The following VPS53 variants were observed in gnomAD, a reference collection of about 807,000 sequenced individuals.
The protein encoded by VPS53 is VPS53 subunit of GARP complex.
In VPS53, 70 loss-of-function variants were observed where a neutral mutation model predicts 107.0. That is an observed-to-expected ratio of 0.65 (90% confidence interval 0.54 to 0.80). VPS53 has a LOEUF of 0.80. Ranked by LOEUF, VPS53 falls within the 30% of genes least tolerant of loss-of-function variation. The probability of loss-of-function intolerance (pLI) is 0.00; values close to 1 mark genes in which losing one functional copy is unlikely to be tolerated. For synonymous variants in VPS53, 409 were observed against 393.3 expected (o/e 1.04, Z -0.47); for missense variants, 917 against 1,049.4 (o/e 0.87, Z 1.74).
At chr17:686,008 A>G (rs1475382978) in intron 4 of VPS53, among the ~76,000 whole-genome samples, 3 of 130,212 alleles carry the variant, frequency 2.3e-5, no homozygotes, top group African/African-American at 9.2e-5. Flanking sequence ...CCCTGTCTCT[A>G]AAAAAAAAAA....
In VPS53 at chr17:714,657, T is replaced by A. The variant is rs754937352; in HGVS notation, c.53A>T (p.Gln18Leu). Reference protein sequence around the residue: ...EFVEELEAVLQLTPEVQLAIE... With the variant: ...EFVEELEAVLLLTPEVQLAIE... ...GGCCAGCTGCACCTCGGGCGTGAGC[T>A]GCAGCACGGCTTCCAGCTCCTCCAC... The change falls in exon 1 of 22, where the codon CAG (glutamine) becomes CTG (leucine). Residue 18 changes from glutamine (Q) to leucine (L), a missense_variant. Coordinates refer to ENST00000437048, the MANE Select transcript of VPS53 (RefSeq NM_001128159.3). 1.4e-5 allele frequency: 23 copies of A among 1,613,118 alleles called. No homozygotes were observed. Among genetic ancestry groups the A allele is most frequent in the Non-Finnish European group, 1.9e-5 (22 of 1,179,538 alleles).
At chr17:631,687 C>G (rs377329904) in intron 7 of VPS53, 59 bp from the exon 8 acceptor site, 1 of 1,524,258 alleles carries the variant, frequency 6.6e-7, no homozygotes, top group African/African-American at 1.4e-5. Context: ...AACTACACAC[C>G]GATCCACAGG....
chr17:614,911 A>C (rs1969066708), intron 11 of VPS53, among the ~76,000 whole-genome samples: 2 of 152,250 alleles, frequency 1.3e-5, no homozygotes, highest in African/African-American at 4.8e-5. Flanking sequence ...CCAGCTGCAT[A>C]AAAGGGGAAC....
intron 14 of VPS53, among the ~76,000 whole-genome samples, chr17:561,618 ATAAT>A (rs1188824273): frequency 1.3e-5 from 2 of 152,160 alleles, no homozygotes; most frequent in African/African-American, 2.4e-5. Context: ...GGGATTATAC[ATAAT>A]TTATTTATTT....
At chr17:538,450 C>T (rs1910291700) in intron 17 of VPS53, 1 of 152,210 alleles carries the variant, frequency 6.6e-6, no homozygotes, top group African/African-American at 2.4e-5. Context: ...AGTTCTGAGG[C>T]CCTGATGTCT....
chr17:700,675 ATGAGAAAATG>A (rs776657746), intron 2 of VPS53, among the ~76,000 whole-genome samples: 6 of 152,202 alleles, frequency 3.9e-5, no homozygotes, highest in Non-Finnish European at 7.3e-5. Flanking sequence ...GACCTTAGAG[ATGAGAAAATG>A]TGAGGAAATG....
At chr17:600,567 A>G (rs1333170900) in intron 12 of VPS53, among the ~76,000 whole-genome samples, 1 of 152,246 alleles carries the variant, frequency 6.6e-6, no homozygotes, top group Non-Finnish European at 1.5e-5. Flanking sequence ...TCCGGGATGG[A>G]GCCTCCTCAA....
intron 8 of VPS53, among the ~76,000 whole-genome samples, chr17:629,593 C>T (rs1479674946): frequency 6.6e-6 from 1 of 151,476 alleles, no homozygotes; most frequent in East Asian, 1.9e-4. Context: ...CCCATCTCTA[C>T]TAAAAAAAAA....
chr17:683,638 G>A (rs1311920285), intron 4 of VPS53, among the ~76,000 whole-genome samples: 1 of 152,154 alleles, frequency 6.6e-6, no homozygotes, highest in Admixed American at 6.5e-5. Context: ...CTATTTTACT[G>A]TCTTTATGTA....
intron 13 of VPS53, among the ~76,000 whole-genome samples, chr17:574,413 C>G (rs770170219): frequency 1.3e-5 from 2 of 152,134 alleles, no homozygotes; most frequent in African/African-American, 2.4e-5. Flanking sequence ...AGAAAAATGA[C>G]CCTTTAAACC....
chr17:569,477 A>G (rs186849150), intron 13 of VPS53, among the ~76,000 whole-genome samples: 30 of 152,302 alleles, frequency 2.0e-4, no homozygotes, highest in African/African-American at 7.0e-4. Flanking sequence ...TACAGTAAAA[A>G]TAAAAGAGAT....
At chr17:528,234 T>G (rs1198054246) in intron 19 of VPS53, among the ~76,000 whole-genome samples, 1 of 152,198 alleles carries the variant, frequency 6.6e-6, no homozygotes, top group Admixed American at 6.5e-5. Context: ...AAGAAACCCT[T>G]ACCCATTAGC....
intron 5 of VPS53, chr17:657,289 CTGTCT>C: frequency 2.4e-6 from 2 of 827,642 alleles, no homozygotes; most frequent in Admixed American, 3.9e-5. Flanking sequence ...AAATTCTCTC[CTGTCT>C]TGTCAATGCT....
intron 4 of VPS53, among the ~76,000 whole-genome samples, chr17:662,619 G>A (rs1035449591): frequency 9.2e-5 from 14 of 151,800 alleles, no homozygotes; most frequent in African/African-American, 3.1e-4. Context: ...AACCCGGGAG[G>A]CAGAGCTTGC....
At chr17:643,852 T>C (rs1970566761) in intron 7 of VPS53, among the ~76,000 whole-genome samples, 1 of 152,234 alleles carries the variant, frequency 6.6e-6, no homozygotes, top group Admixed American at 6.5e-5. Flanking sequence ...CACTCATACG[T>C]GTCAACCCAG....
intron 2 of VPS53, among the ~76,000 whole-genome samples, chr17:708,013 T>C (rs1332316412): frequency 6.6e-6 from 1 of 152,174 alleles, no homozygotes; most frequent in Non-Finnish European, 1.5e-5. Context: ...ACATCTTATG[T>C]CTCCTGTTTC....
chr17:664,563 G>T (rs1971599308), intron 4 of VPS53, among the ~76,000 whole-genome samples: 1 of 152,176 alleles, frequency 6.6e-6, no homozygotes, highest in Admixed American at 6.5e-5. Flanking sequence ...CAAAGCATAA[G>T]GATTCTGCTC....
At position 562,655 on chromosome 17, in the gene VPS53, G is replaced by A; in HGVS notation, c.1404C>T (p.Leu468=). The change falls in exon 14 of 22, where the codon CTC becomes CTT. Residue 468 remains leucine, a synonymous_variant. Coordinates refer to ENST00000437048, the MANE Select transcript of VPS53 (RefSeq NM_001128159.3). ...AGACAAAGAGGTCGGCGCAGCTGGG[G>A]AGCACGGCACCCCCTTCATCAGTGT... ...KPNTDEGGAV[L]PSCADLFVYY... 1 of 1,613,798 alleles carries A rather than the reference G, an allele frequency of 6.2e-7. No homozygotes were observed. Among genetic ancestry groups the A allele is most frequent in the East Asian group, 2.2e-5 (1 of 44,856 alleles).
At chr17:532,348 C>T (rs1909656864) in intron 19 of VPS53, 1 of 153,840 alleles carries the variant, frequency 6.5e-6, no homozygotes, top group Admixed American at 6.5e-5. Context: ...GATATCGGCT[C>T]ACTGCAACCT....
Sources: allele counts gnomAD v4.1 joint callset (sites outside exome capture counted in the v4.1 genomes callset), GRCh38; gene constraint gnomAD v4.1.1; transcripts MANE v1.5; gene names NCBI Gene and HGNC (gene_info 2026-07-23, HGNC 2026-07-21).